SYNE2: variants seen among roughly 807,000 people sequenced by gnomAD.
SYNE2 encodes the protein nesprin-2.
In SYNE2, 431 loss-of-function variants were observed where a neutral mutation model predicts 856.3. The observed-to-expected ratio is 0.50, with a 90% CI of 0.47 to 0.55. The LOEUF is 0.55. Among genes scored for constraint, SYNE2 ranks in the 20% least tolerant of loss-of-function variants. SYNE2 has a pLI of 0.00. For synonymous variants in SYNE2, 2,923 were observed against 2,872.3 expected (o/e 1.02, Z -0.56); for missense variants, 8,129 against 8,023.2 (o/e 1.01, Z -0.50).
intron 23 of SYNE2, 93 bp from the exon 24 acceptor site, chr14:63,996,838 ATACAAGAACACATTGT>A: frequency 1.9e-6 from 2 of 1,044,730 alleles, no homozygotes; most frequent in South Asian, 1.4e-5. Context: ...TAGATGGCCT[ATACAAGAACACATTGT>A]TAAAACTACA....
intron 83 of SYNE2, among the ~76,000 whole-genome samples, chr14:64,145,624 G>A (rs1413879988): frequency 6.6e-6 from 1 of 151,866 alleles, no homozygotes; most frequent in Non-Finnish European, 1.5e-5. Flanking sequence ...TTATGAATGA[G>A]AATCACAGAC....
chr14:64,171,025 A>C (rs1452391954), intron 94 of SYNE2, among the ~76,000 whole-genome samples: 2 of 152,224 alleles, frequency 1.3e-5, no homozygotes, highest in African/African-American at 4.8e-5. Context: ...GTTCTCCATG[A>C]TGTGCTTATT....
chr14:64,077,002 A>G (rs2097466630), intron 54 of SYNE2, among the ~76,000 whole-genome samples: 1 of 152,196 alleles, frequency 6.6e-6, no homozygotes, highest in African/African-American at 2.4e-5. Context: ...TCAGGAAAAT[A>G]CTAAATATTT....
chr14:64,068,975 T>C (rs1386722917), intron 51 of SYNE2, among the ~76,000 whole-genome samples: 1 of 151,244 alleles, frequency 6.6e-6, no homozygotes, highest in East Asian at 1.9e-4. Flanking sequence ...TTGCAAATGG[T>C]AGTTTATTTT....
intron 1 of SYNE2, among the ~76,000 whole-genome samples, chr14:63,776,782 G>A (rs954825582): frequency 2.0e-5 from 3 of 151,644 alleles, no homozygotes; most frequent in African/African-American, 4.8e-5. Flanking sequence ...TGTATTTTTC[G>A]TAGAGATGGG....
At chr14:64,213,682 G>A (rs1159317022) in intron 105 of SYNE2, among the ~76,000 whole-genome samples, 1 of 152,050 alleles carries the variant, frequency 6.6e-6, no homozygotes, top group Non-Finnish European at 1.5e-5. Flanking sequence ...TCATTTTTAA[G>A]TACAGCCACT....
At chr14:64,167,210 G>C in intron 90 of SYNE2, 23 bp from the exon 91 acceptor site, 1 of 1,613,846 alleles carries the variant, frequency 6.2e-7, no homozygotes, top group African/African-American at 1.3e-5. Flanking sequence ...CCAAAAACCT[G>C]TACTTCAATT....
chr14:63,814,669 C>CATATATATCCATATATATATCCAT (rs1888781534), intron 1 of SYNE2, among the ~76,000 whole-genome samples: 1 of 55,714 alleles, frequency 1.8e-5, no homozygotes, highest in Non-Finnish European at 3.8e-5. Flanking sequence ...TATATATATC[C>CATATATATCCATATATATATCCAT]ATATATATCC....
In SYNE2 at chr14:63,832,886, A is replaced by AAG. The variant is rs1402577070; in HGVS notation, c.-304-19614_-304-19613insGA. 7.2e-3 allele frequency among the ~76,000 whole-genome samples: 1,074 copies of AAG among 149,058 alleles called. 8 individuals carry two copies. The highest frequency in any genetic ancestry group is 0.012 in the Non-Finnish European group (810 of 67,128). On this transcript the variant is annotated intron_variant, in intron 1 of 23. Coordinates refer to the SYNE2 transcript ENST00000674003. ...TCTACCAAAAAAAAAAAAAAAAAAA[A>AAG]AAAATTAGTCCGGTATGGTGGCACG... is the stretch of plus-strand genomic sequence containing the variant.
chr14:63,917,767 G>T (rs1280019494), intron 2 of SYNE2, among the ~76,000 whole-genome samples: 1 of 152,114 alleles, frequency 6.6e-6, no homozygotes, highest in African/African-American at 2.4e-5. Flanking sequence ...ACCGCACCTG[G>T]CCTCAAGCTT....
intron 31 of SYNE2, 113 bp downstream of exon 31, chr14:64,007,335 C>A: frequency 1.0e-6 from 1 of 995,668 alleles, no homozygotes; most frequent in Non-Finnish European, 1.6e-6. Context: ...GAGGGACAAA[C>A]ATAAGGATTT....
Position 63,909,110 on chromosome 14 carries a change from A to C in SYNE2, c.-39A>C. On this transcript the variant is annotated 5_prime_UTR_variant, in exon 2 of 116. Coordinates refer to ENST00000555002, the MANE Select transcript of SYNE2 (RefSeq NM_182914.3). Reference sequence around the variant, plus strand: ...ATTTCACTTTCAGTTCACTTCTTCAACTGAGATGGACATGATATAATCTCC... The same window carrying C: ...ATTTCACTTTCAGTTCACTTCTTCACCTGAGATGGACATGATATAATCTCC... 2 of 1,397,848 alleles carry C rather than the reference A, an allele frequency of 1.4e-6. No individual in the cohort carries two copies. Among genetic ancestry groups the C allele is most frequent in the Non-Finnish European group, 2.0e-6 (2 of 983,022 alleles). The allele number at this position is 1,397,848 out of a possible 1,614,324, so 86.6% of individuals were successfully genotyped here. A position where few individuals can be genotyped will look rare whatever the true frequency, so the allele number is the denominator to read the frequency against.
At chr14:63,904,670 T>G (rs1432903566) in intron 1 of SYNE2, among the ~76,000 whole-genome samples, 1 of 152,164 alleles carries the variant, frequency 6.6e-6, no homozygotes, top group Non-Finnish European at 1.5e-5. Flanking sequence ...GGGTTGTCTT[T>G]TGCTTGTTGA....
In SYNE2 at chr14:64,225,485, T is replaced by C. The variant is rs776019073; in HGVS notation, c.20683T>C (p.Tyr6895His). ...TQANNFARSFYPMLRYTNGPP... is the reference protein window; with the variant it reads ...TQANNFARSFHPMLRYTNGPP... ...GGCCAACAACTTTGCCCGGTCCTTT[T>C]ACCCCATGCTGAGGTACACCAATGG... is the stretch of plus-strand genomic sequence containing the variant. Residue 6895 changes from tyrosine to histidine, a missense_variant, in exon 116 of 116, where the codon TAC becomes CAC. Around this residue, in one of 3 missense-constraint regions of SYNE2, gnomAD observed 5,410 missense variants for 5,284.8 expected, o/e 1.02. Transcript: ENST00000555002. The C allele has an allele frequency of 3.1e-6, 5 of 1,614,224 alleles. No homozygotes were observed. The highest frequency in any genetic ancestry group is 4.2e-6 in the Non-Finnish European group (5 of 1,180,030).
At chr14:63,903,214 C>T (rs2095361862) in intron 1 of SYNE2, among the ~76,000 whole-genome samples, 1 of 152,182 alleles carries the variant, frequency 6.6e-6, no homozygotes, top group South Asian at 2.1e-4. Context: ...CATGTTTTGA[C>T]AAATAATTGT....
At chr14:64,131,498 T>C (rs980285279) in intron 76 of SYNE2, among the ~76,000 whole-genome samples, 3 of 152,236 alleles carry the variant, frequency 2.0e-5, no homozygotes, top group Admixed American at 6.5e-5. Flanking sequence ...GTGGGTTGCT[T>C]GAGTTTGCAC....
chr14:63,792,031 A>C (rs972214746), intron 1 of SYNE2, among the ~76,000 whole-genome samples: 16 of 152,360 alleles, frequency 1.1e-4, no homozygotes, highest in African/African-American at 3.6e-4. Context: ...AAAAGAAGGC[A>C]GTAACATTGG....
At chr14:63,936,839 G>A (rs2095839637) in intron 2 of SYNE2, among the ~76,000 whole-genome samples, 1 of 152,222 alleles carries the variant, frequency 6.6e-6, no homozygotes, top group Non-Finnish European at 1.5e-5. Flanking sequence ...TAACCCAGGT[G>A]GAGGTGATGG....
intron 1 of SYNE2, among the ~76,000 whole-genome samples, chr14:63,803,033 G>C (rs898075748): frequency 1.3e-5 from 2 of 152,204 alleles, no homozygotes; most frequent in African/African-American, 4.8e-5. Context: ...GCCAATAATG[G>C]CTCAGGCAGC....
Sources: gnomAD v4.1 joint callset for allele counts (sites outside exome capture counted in the v4.1 genomes callset) on GRCh38, gnomAD v4.1.1 for gene constraint, gnomAD v4.1.1 regional missense constraint, MANE v1.5 for transcripts, NCBI Gene and HGNC (gene_info 2026-07-23, HGNC 2026-07-21) for gene names.